Variants in SLC24A1 observed in about 807,000 individuals in gnomAD.
SLC24A1 encodes the protein solute carrier family 24 member 1.
A neutral mutation model predicts 88.1 loss-of-function variants in SLC24A1; 52 were observed. The observed-to-expected ratio is 0.59, with a 90% CI of 0.47 to 0.74. The LOEUF (loss-of-function observed/expected upper bound fraction) is 0.74. Among genes scored for constraint, SLC24A1 ranks in the 30% least tolerant of loss-of-function variants. SLC24A1 has a pLI of 0.00. For synonymous variants in SLC24A1, 455 were observed against 498.0 expected, an observed-to-expected ratio of 0.91 and a Z score of 1.15; for missense variants, 1,173 against 1,363.3, an observed-to-expected ratio of 0.86 and a Z score of 2.20.
intron 2 of SLC24A1, 97 bp downstream of exon 2, chr15:65,626,067 G>A: frequency 1.2e-6 from 1 of 856,296 alleles, no homozygotes; most frequent in Non-Finnish European, 2.0e-6. Flanking sequence ...CAGACCTCAA[G>A]AGATGAATGC....
chr15:65,627,770 G>C (rs1566950585), intron 2 of SLC24A1, among the ~76,000 whole-genome samples: 1 of 152,174 alleles, frequency 6.6e-6, no homozygotes, highest in Non-Finnish European at 1.5e-5. Flanking sequence ...TAGTAATTCT[G>C]CTTTTATTTA....
At chr15:65,649,004 G>T (rs1350205246) in intron 6 of SLC24A1, among the ~76,000 whole-genome samples, 1 of 152,212 alleles carries the variant, frequency 6.6e-6, no homozygotes, top group Non-Finnish European at 1.5e-5. Context: ...TCTAAAGGTG[G>T]ATGTTTTAGG....
chr15:65,657,445 T>A (rs1024736977), downstream of SLC24A1, among the ~76,000 whole-genome samples: 2 of 151,766 alleles, frequency 1.3e-5, no homozygotes, highest in East Asian at 3.9e-4. Flanking sequence ...ATCGAGACCA[T>A]CCTGGCTAAC....
At position 65,650,485 on chromosome 15, in the gene SLC24A1, C is replaced by T. The variant is rs2075458695; in HGVS notation, c.2336C>T (p.Pro779Leu). The part of the protein sequence containing the change: ...TEEKSGGETQ[P>L]EGEGETETQG... ...GAGAAAAGTGGAGGTGAAACTCAAC[C>T]AGAAGGTGAAGGTGAAACTGAAACA... Residue 779 changes from proline to leucine, a missense_variant, in exon 7 of 10, where the codon CCA becomes CTA. Physicochemically the swap from Pro to Leu is moderately conservative, Grantham distance 98. Transcript: ENST00000261892. The surrounding 1 kb of genome is among the most constrained non-coding windows in gnomAD (Gnocchi z 4.1). The T allele has an allele frequency of 6.4e-7, 1 of 1,551,466 alleles. No individual in the cohort carries two copies. The highest frequency in any genetic ancestry group is 8.7e-7 in the Non-Finnish European group (1 of 1,146,930).
At chr15:65,645,796 T>C in intron 6 of SLC24A1, 93 bp downstream of exon 6, 4 of 791,154 alleles carry the variant, frequency 5.1e-6, no homozygotes, top group Non-Finnish European at 8.4e-6. Flanking sequence ...TCTGAAATCC[T>C]ATTTGAGGTT....
intron 2 of SLC24A1, among the ~76,000 whole-genome samples, chr15:65,635,934 T>C (rs1175567613): frequency 1.3e-5 from 2 of 152,156 alleles, no homozygotes; most frequent in South Asian, 4.1e-4. Context: ...ACCATGTAAA[T>C]AGTATAGCAG....
At chr15:65,657,626 A>G (rs889247586), downstream of SLC24A1, among the ~76,000 whole-genome samples, 1 of 152,252 alleles carries the variant, frequency 6.6e-6, no homozygotes, top group African/African-American at 2.4e-5. Flanking sequence ...CCTGGGCAAC[A>G]GCGAGACTCC....
intron 6 of SLC24A1, among the ~76,000 whole-genome samples, chr15:65,646,066 CTTTCCAA>C (rs2075291058): frequency 6.6e-6 from 1 of 152,152 alleles, no homozygotes; most frequent in Non-Finnish European, 1.5e-5. Flanking sequence ...TGGGTGAAGG[CTTTCCAA>C]CCTTCTGAGG....
At chr15:65,643,012 AC>A (rs773143272) in intron 4 of SLC24A1, 1 of 1,289,314 alleles carries the variant, frequency 7.8e-7, no homozygotes, top group South Asian at 1.2e-5. Context: ...CCCAGGTAGG[AC>A]AGCTGCTCTC....
chr15:65,618,244 C>T (rs2074212505), upstream of SLC24A1, among the ~76,000 whole-genome samples: 1 of 151,990 alleles, frequency 6.6e-6, no homozygotes, highest in Non-Finnish European at 1.5e-5. Context: ...TATGTATATA[C>T]ATATTATATA....
downstream of SLC24A1, chr15:65,660,468 G>A (rs2141789612): frequency 1.8e-6 from 1 of 550,650 alleles, no homozygotes; most frequent in African/African-American, 1.9e-5. Flanking sequence ...TTTAAAGCTG[G>A]CTAGGGAATT....
At chr15:65,612,435 TA>T (rs1391082394) in intron 1 of SLC24A1, 1 of 152,384 alleles carries the variant, frequency 6.6e-6, no homozygotes, top group Non-Finnish European at 1.5e-5. Flanking sequence ...CACAGCTTGT[TA>T]TGTGGGAGAT....
At chr15:65,648,483 ATC>A (rs1209653930) in intron 6 of SLC24A1, among the ~76,000 whole-genome samples, 5 of 151,026 alleles carry the variant, frequency 3.3e-5, no homozygotes, top group East Asian at 3.9e-4. Flanking sequence ...TTTTAATTTT[ATC>A]TCTTTTTTTT....
intron 3 of SLC24A1, 129 bp downstream of exon 3, chr15:65,638,310 G>A (rs1032452517): frequency 4.3e-5 from 29 of 677,338 alleles, no homozygotes; most frequent in Non-Finnish European, 5.8e-5. Flanking sequence ...TCCTGGGAGC[G>A]CTGCCAGGGT....
At chr15:65,639,460 A>G (rs2141603187) in intron 3 of SLC24A1, 135 bp from the exon 4 acceptor site, 1 of 620,334 alleles carries the variant, frequency 1.6e-6, no homozygotes, top group South Asian at 1.9e-5. Flanking sequence ...AGGTGGAGGA[A>G]GAGGGGAGGT....
At chr15:65,619,062 T>C (rs867640476), upstream of SLC24A1, 1 of 152,264 alleles carries the variant, frequency 6.6e-6, no homozygotes, top group Non-Finnish European at 1.5e-5. Context: ...CAGTGACAAC[T>C]GTACAGCCAT....
At position 65,654,286 on chromosome 15, in the gene SLC24A1, G is replaced by T. The variant is rs1596357247; in HGVS notation, c.*207G>T. 1 of 1,374,976 alleles carries T rather than the reference G, an allele frequency of 7.3e-7. No homozygotes were observed. The highest frequency in any genetic ancestry group is 9.4e-7 in the Non-Finnish European group (1 of 1,068,926). 85.2% of individuals were successfully genotyped at this position (1,374,976 alleles called of 1,614,324 possible). ...TGGATTAAGAACCTCACCCCTGGAG[G>T]GGTGGAGTTTCTACCCCTGACTCAT... is the stretch of plus-strand genomic sequence containing the variant. On this transcript the variant is annotated 3_prime_UTR_variant, in exon 10 of 10. Transcript: ENST00000261892.
At chr15:65,619,637 C>T (rs2141415485), upstream of SLC24A1, among the ~76,000 whole-genome samples, 1 of 152,142 alleles carries the variant, frequency 6.6e-6, no homozygotes, top group East Asian at 1.9e-4. Flanking sequence ...CTGATGTAGA[C>T]CCAGAAATAA....
chr15:65,620,377 G>A (rs1160443823), upstream of SLC24A1, among the ~76,000 whole-genome samples: 2 of 152,020 alleles, frequency 1.3e-5, no homozygotes, highest in Admixed American at 6.6e-5. Flanking sequence ...ATAGTACCCG[G>A]CACTATTAAT....
Sources: allele counts gnomAD v4.1 joint callset (sites outside exome capture counted in the v4.1 genomes callset), GRCh38; gene constraint gnomAD v4.1.1; non-coding constraint Gnocchi (gnomAD v3.1); transcripts MANE v1.5; gene names NCBI Gene and HGNC (gene_info 2026-07-23, HGNC 2026-07-21).